The following CCDC92B variants were observed in gnomAD, a reference collection of about 807,000 sequenced individuals.
CCDC92B encodes the protein coiled-coil domain containing 92B.
In CCDC92B, 2 loss-of-function variants were observed where a neutral mutation model predicts 5.6. The observed-to-expected ratio is 0.36, with a 90% CI of 0.15 to 1.12. CCDC92B has a LOEUF of 1.12. CCDC92B is among the 50% of genes most tolerant of loss of function. The pLI, the probability that CCDC92B is intolerant of heterozygous loss-of-function variation, is 0.40. For synonymous variants in CCDC92B, 115 were observed against 122.3 expected (o/e 0.94, Z 0.39); for missense variants, 271 against 262.2 (o/e 1.03, Z -0.23).
At chr17:2,730,926 G>A (rs1376603866) in intron 2 of CCDC92B, among the ~76,000 whole-genome samples, 2 of 152,226 alleles carry the variant, frequency 1.3e-5, no homozygotes, top group Non-Finnish European at 2.9e-5. Context: ...GATGGCCGCT[G>A]GAGTGTCCAG....
chr17:2,747,208 C>G (rs1225209549), intron 1 of CCDC92B, among the ~76,000 whole-genome samples: 2 of 152,114 alleles, frequency 1.3e-5, no homozygotes, highest in Admixed American at 6.6e-5. Flanking sequence ...TTCTCTTGTC[C>G]CAGTTTCAGC....
chr17:2,724,131 C>T lies in CCDC92B; in HGVS notation c.*280G>A, dbSNP rs1257686225. ...CCTCCTGTCTCACAGGCAGGTGGGA[C>T]CAGGCCAGGATCGGGACGGCGAGTC... On this transcript the variant is annotated 3_prime_UTR_variant, in exon 4 of 4. Coordinates refer to ENST00000614400, the MANE Select transcript of CCDC92B (RefSeq NM_001355573.2). The surrounding 1 kb of genome is among the most constrained non-coding windows in gnomAD (Gnocchi z 5.0). 3 of 985,248 alleles carry T rather than the reference C, an allele frequency of 3.0e-6. No homozygotes were observed. Among genetic ancestry groups the T allele is most frequent in the Non-Finnish European group, 3.6e-6 (3 of 829,914 alleles). The allele number at this position is 985,248 out of a possible 1,614,324, so 61.0% of individuals were successfully genotyped here.
chr17:2,729,001 G>T (rs2070767098), intron 3 of CCDC92B, among the ~76,000 whole-genome samples: 1 of 152,046 alleles, frequency 6.6e-6, no homozygotes, highest in African/African-American at 2.4e-5. Flanking sequence ...TTCTGGCCAA[G>T]AAAGACTTTT....
chr17:2,727,823 CAAAAA>C (rs11456542), intron 3 of CCDC92B, among the ~76,000 whole-genome samples: 1 of 118,618 alleles, frequency 8.4e-6, no homozygotes, highest in Non-Finnish European at 1.7e-5. Context: ...GACTCCGTCT[CAAAAA>C]AAAAAAAAAC....
chr17:2,738,625 T>C (rs2070881473), intron 1 of CCDC92B, among the ~76,000 whole-genome samples: 1 of 150,432 alleles, frequency 6.6e-6, no homozygotes, highest in South Asian at 2.1e-4. Flanking sequence ...CCGGGTGTGG[T>C]GGCGGGCGCC....
chr17:2,730,756 G>C (rs2070785735), intron 2 of CCDC92B, among the ~76,000 whole-genome samples: 1 of 152,160 alleles, frequency 6.6e-6, no homozygotes, highest in Non-Finnish European at 1.5e-5. Context: ...CCAGCTTTGA[G>C]CCTGGGTTCG....
At chr17:2,732,349 G>C (rs61695778) in intron 2 of CCDC92B, among the ~76,000 whole-genome samples, 4,462 of 152,176 alleles carry the variant, frequency 0.029, 221 homozygotes, top group African/African-American at 0.1. Context: ...CTCCTTGGGG[G>C]AAAGGCCTTA....
chr17:2,724,476 G>A lies in CCDC92B; in HGVS notation c.703C>T (p.Pro235Ser). The change falls in exon 4 of 4, where the codon CCC becomes TCC. Residue 235 changes from proline to serine, a missense_variant. Physicochemically the swap from Pro to Ser is moderately conservative, Grantham distance 74. Transcript: ENST00000614400. The surrounding 1 kb of genome is among the most constrained non-coding windows in gnomAD (Gnocchi z 5.0). ...GGCTGCGGGCCGGCTCGGTCCGGGG[G>A]CTCCTGGGGAGGCGGCTGGCGCGGG... is the stretch of plus-strand genomic sequence containing the variant. Reference protein sequence around the residue: ...RSPRQPPPQEPPDRAGPQPAP... With the variant: ...RSPRQPPPQESPDRAGPQPAP... 1.0e-6 allele frequency: 1 copy of A among 980,900 alleles called. No individual in the cohort carries two copies. Among genetic ancestry groups the A allele is most frequent in the Non-Finnish European group, 1.2e-6 (1 of 826,670 alleles). The allele number at this position is 980,900 out of a possible 1,614,324, so 60.8% of individuals were successfully genotyped here. A position where few individuals can be genotyped will look rare whatever the true frequency, so the allele number is the denominator to read the frequency against.
chr17:2,739,181 C>G (rs534120793), intron 1 of CCDC92B, among the ~76,000 whole-genome samples: 1 of 150,944 alleles, frequency 6.6e-6, no homozygotes, highest in African/African-American at 2.5e-5. Context: ...TCCTGGCTAA[C>G]ATGGTAGAAC....
intron 1 of CCDC92B, among the ~76,000 whole-genome samples, chr17:2,744,216 C>CA (rs1424461877): frequency 6.8e-6 from 1 of 147,574 alleles, no homozygotes; most frequent in African/African-American, 2.5e-5. Context: ...TTTGTAGAGA[C>CA]AAGAGTTTCA....
At chr17:2,734,669 T>C (rs1337479009) in intron 2 of CCDC92B, among the ~76,000 whole-genome samples, 1 of 152,028 alleles carries the variant, frequency 6.6e-6, no homozygotes, top group African/African-American at 2.4e-5. Context: ...TTTTGTATTT[T>C]AGTAGAGATG....
intron 3 of CCDC92B, among the ~76,000 whole-genome samples, chr17:2,726,773 C>A (rs11656485): frequency 0.081 from 12,340 of 151,796 alleles, 1,103 homozygotes; most frequent in African/African-American, 0.22. Context: ...GCTACCACAC[C>A]CAGCTAATTT....
chr17:2,747,620 G>A (rs1567620552), intron 1 of CCDC92B, among the ~76,000 whole-genome samples: 2 of 152,120 alleles, frequency 1.3e-5, no homozygotes, highest in Non-Finnish European at 2.9e-5. Context: ...CCAGCTACTC[G>A]GGAGGCTGAG....
intron 1 of CCDC92B, among the ~76,000 whole-genome samples, chr17:2,742,929 T>A (rs1044687185): frequency 1.3e-5 from 2 of 152,184 alleles, no homozygotes; most frequent in African/African-American, 4.8e-5. Flanking sequence ...TTCTTTATAT[T>A]CCATAGTCAA....
chr17:2,731,954 G>C (rs888418737), intron 2 of CCDC92B, among the ~76,000 whole-genome samples: 2 of 152,232 alleles, frequency 1.3e-5, no homozygotes, highest in Non-Finnish European at 2.9e-5. Context: ...TGAGCGTGCT[G>C]TGAGGTCAGA....
At chr17:2,734,063 A>G (rs889302571) in intron 2 of CCDC92B, among the ~76,000 whole-genome samples, 1 of 151,730 alleles carries the variant, frequency 6.6e-6, no homozygotes, top group African/African-American at 2.4e-5. Flanking sequence ...CCTGGCCTCC[A>G]GCTGGATTTC....
At chr17:2,728,187 A>G (rs2070754762) in intron 3 of CCDC92B, among the ~76,000 whole-genome samples, 1 of 151,506 alleles carries the variant, frequency 6.6e-6, no homozygotes, top group Admixed American at 6.6e-5. Flanking sequence ...GGTGGCATGT[A>G]TCTGTAGTAC....
chr17:2,742,085 T>A (rs1451912887), intron 1 of CCDC92B, among the ~76,000 whole-genome samples: 1 of 152,000 alleles, frequency 6.6e-6, no homozygotes, highest in Non-Finnish European at 1.5e-5. Context: ...TTTTTTATTT[T>A]TTTTGAGACG....
At position 2,724,618 on chromosome 17, in the gene CCDC92B, G is replaced by T; in HGVS notation, c.561C>A (p.Pro187=). 9.2e-6 allele frequency: 9 copies of T among 981,798 alleles called. No individual in the cohort carries two copies. Among genetic ancestry groups the T allele is most frequent in the Non-Finnish European group, 1.1e-5 (9 of 828,294 alleles). The allele number at this position is 981,798 out of a possible 1,614,324, so 60.8% of individuals were successfully genotyped here. ...GGTCCCAGGCGGCCCAGTCCCGGCC[G>T]GGGCCCTTGGCGGCGGCCTCGTGGG... ...PAAHEAAAKG[P]GRDWAAWDRG... The change falls in exon 4 of 4, where the codon CCC becomes CCA. Residue 187 remains proline (P), a synonymous_variant. Coordinates refer to ENST00000614400, the MANE Select transcript of CCDC92B (RefSeq NM_001355573.2). This position sits in a 1 kb window ranked among gnomAD's most constrained non-coding sequence, Gnocchi z 5.0.
Sources: allele counts gnomAD v4.1 joint callset (sites outside exome capture counted in the v4.1 genomes callset), GRCh38; gene constraint gnomAD v4.1.1; non-coding constraint Gnocchi (gnomAD v3.1); transcripts MANE v1.5; gene names NCBI Gene and HGNC (gene_info 2026-07-23, HGNC 2026-07-21).